The following PRKACA variants were observed in gnomAD, a reference collection of about 807,000 sequenced individuals.
The protein encoded by PRKACA is protein kinase cAMP-activated catalytic subunit alpha.
Under a neutral mutation model 45.8 loss-of-function variants are expected in PRKACA, and 9 were observed. The ratio of observed to expected loss-of-function variants is 0.20; its 90% CI spans 0.12 to 0.34. PRKACA has a LOEUF of 0.34. Among genes scored for constraint, PRKACA ranks in the 10% least tolerant of loss-of-function variants. The pLI is 1.00. For missense variants in PRKACA, 238 were observed against 458.6 expected, an observed-to-expected ratio of 0.52 and a Z score of 4.39; for synonymous variants, 160 against 178.6, an observed-to-expected ratio of 0.90 and a Z score of 0.83.
chr19:14,096,025 AT>A (rs1454955374), intron 8 of PRKACA, among the ~76,000 whole-genome samples: 1 of 135,816 alleles, frequency 7.4e-6, no homozygotes, highest in Non-Finnish European at 1.6e-5. Flanking sequence ...CGCCCAGCTA[AT>A]TTTTAGTTTT....
rs1455322072 is a variant in PRKACA at position 14,097,566 on chromosome 19, G to C, written c.642+13C>G. On this transcript the variant is annotated intron_variant, in intron 7 of 9. Coordinates refer to ENST00000308677, the MANE Select transcript of PRKACA (RefSeq NM_002730.4). This position sits in a 1 kb window ranked among gnomAD's most constrained non-coding sequence, Gnocchi z 5.4. ...CGGCCTCAGGGGAAGGGGAGGGCTG[G>C]GGAGGCTCCTACTTTGCTCAGGATA... The C allele has an allele frequency of 1.2e-6, 2 of 1,613,348 alleles. No homozygotes were observed. Among genetic ancestry groups the C allele is most frequent in the African/African-American group, 1.3e-5 (1 of 74,908 alleles).
intron 5 of PRKACA, chr19:14,098,158 A>C: frequency 2.6e-6 from 1 of 384,836 alleles, no homozygotes; most frequent in Non-Finnish European, 4.8e-6. Flanking sequence ...TCCACTCAAC[A>C]ATGTGGCTGC....
chr19:14,106,653 C>G, intron 3 of PRKACA, 107 bp downstream of exon 3: 2 of 1,475,568 alleles, frequency 1.4e-6, no homozygotes, highest in East Asian at 2.3e-5. Flanking sequence ...GACTCTGAAT[C>G]AAAAAAAAGC....
chr19:14,109,098 C>G (rs1977696548), intron 1 of PRKACA, among the ~76,000 whole-genome samples: 1 of 150,836 alleles, frequency 6.6e-6, no homozygotes, highest in African/African-American at 2.4e-5. Flanking sequence ...TCTGTAATCC[C>G]AGCACTCTGG....
intron 1 of PRKACA, among the ~76,000 whole-genome samples, chr19:14,114,763 C>T (rs1445429316): frequency 6.6e-6 from 1 of 152,166 alleles, no homozygotes; most frequent in Non-Finnish European, 1.5e-5. Flanking sequence ...AATGGCTTTG[C>T]CATCTTTGGG....
chr19:14,107,275 G>T (rs1160205178), intron 2 of PRKACA, 73 bp downstream of exon 2: 3 of 1,461,512 alleles, frequency 2.1e-6, no homozygotes, highest in Non-Finnish European at 9.5e-7. Context: ...TTCTAGCTGT[G>T]TTGCTGGGAC....
At chr19:14,093,478 A>G in intron 9 of PRKACA, 150 bp downstream of exon 9, 2 of 1,150,014 alleles carry the variant, frequency 1.7e-6, no homozygotes, top group Non-Finnish European at 2.5e-6. Context: ...AAATGACCCC[A>G]GAATCCCATT....
rs763345212 is a variant in PRKACA at position 14,093,089 on chromosome 19, C to T, written c.*23G>A. On this transcript the variant is annotated 3_prime_UTR_variant, in exon 10 of 10. Transcript: ENST00000308677. ...AAAAAAGAAAAAAGAAAAAAGAAAA[C>T]CCATGGGGGCACAGGCATGCCCCTA... 2 of 1,047,118 alleles carry T rather than the reference C, an allele frequency of 1.9e-6. No individual in the cohort carries two copies. The highest frequency in any genetic ancestry group is 2.4e-5 in the South Asian group (1 of 41,428). 64.9% of individuals were successfully genotyped at this position (1,047,118 alleles called of 1,614,324 possible). A position where few individuals can be genotyped will look rare whatever the true frequency, so the allele number is the denominator to read the frequency against.
chr19:14,117,669 G>T lies in PRKACA; in HGVS notation c.-122C>A. 1 of 458,192 alleles carries T rather than the reference G, an allele frequency of 2.2e-6. No individual in the cohort carries two copies. The highest frequency in any genetic ancestry group is 2.9e-6 in the Non-Finnish European group (1 of 349,704). 28.4% of individuals were successfully genotyped at this position (458,192 alleles called of 1,614,324 possible). A position where few individuals can be genotyped will look rare whatever the true frequency, so the allele number is the denominator to read the frequency against. The stretch of plus-strand genomic sequence containing the variant: ...GGCCCTCGGGCTGGCTGCGCTAGCT[G>T]CGGCGCCGCGACCCCCGCCCAGCCC... On this transcript the variant is annotated 5_prime_UTR_variant, in exon 1 of 10. Coordinates refer to ENST00000308677, the MANE Select transcript of PRKACA (RefSeq NM_002730.4).
chr19:14,106,091 C>T (rs1016597346), intron 3 of PRKACA, among the ~76,000 whole-genome samples: 2 of 152,056 alleles, frequency 1.3e-5, no homozygotes, highest in African/African-American at 2.4e-5. Context: ...TGGCTCATGC[C>T]TGTAATCCCT....
intron 4 of PRKACA, 31 bp from the exon 5 acceptor site, chr19:14,100,939 A>G: frequency 6.2e-7 from 1 of 1,600,510 alleles, no homozygotes; most frequent in Non-Finnish European, 8.6e-7. Flanking sequence ...TCAAGGGCCC[A>G]CCCCTGAGAC....
rs1977170203 is a variant in PRKACA at position 14,093,926 on chromosome 19, A to G, written c.766-134T>C. ...AGAGTGCCTGCCAGCATCTTGTAAAACAGCTCCTTGAGCCTACCCTACAGT... is the reference window on the plus strand; with the variant it reads ...AGAGTGCCTGCCAGCATCTTGTAAAGCAGCTCCTTGAGCCTACCCTACAGT... On this transcript the variant is annotated intron_variant, in intron 8 of 9. Transcript: ENST00000308677. 3 of 913,916 alleles carry G rather than the reference A, an allele frequency of 3.3e-6. No individual in the cohort carries two copies. In the East Asian group the frequency reaches 8.3e-5, roughly 25 times the overall value. 56.6% of individuals were successfully genotyped at this position (913,916 alleles called of 1,614,324 possible).
At chr19:14,106,054 G>A (rs985718847) in intron 3 of PRKACA, among the ~76,000 whole-genome samples, 1 of 151,966 alleles carries the variant, frequency 6.6e-6, no homozygotes, top group African/African-American at 2.4e-5. Context: ...ATGGGGGCTC[G>A]GGGAATAGTG....
chr19:14,103,112 C>A (rs866608013), intron 3 of PRKACA, among the ~76,000 whole-genome samples, 198 bp from the exon 4 acceptor site: 14 of 152,100 alleles, frequency 9.2e-5, no homozygotes, highest in African/African-American at 2.4e-4. Context: ...TGTCCTTGCA[C>A]GGCACTAAGT....
At position 14,100,893 on chromosome 19, in the gene PRKACA, A is replaced by G. The variant is rs1445705058; in HGVS notation, c.352T>C (p.Tyr118His). ...CCGGGCACGTACTCCATGACCATGT[A>G]TAAGTTTGAGTTGTCCTGTGGGAAG... ...EFSFKDNSNL[Y>H]MVMEYVPGGE... is the part of the protein sequence containing the mutation. Residue 118 changes from tyrosine to histidine, a missense_variant, in exon 5 of 10, where the codon TAC becomes CAC. Physicochemically the swap from Tyr to His is moderately conservative, Grantham distance 83 (BLOSUM62 2). Around this residue, in one of 3 missense-constraint regions of PRKACA, gnomAD observed 93 missense variants for 149.1 expected, o/e 0.62. Coordinates refer to ENST00000308677, the MANE Select transcript of PRKACA (RefSeq NM_002730.4). 1.2e-6 allele frequency: 2 copies of G among 1,613,992 alleles called. No homozygotes were observed. The highest frequency in any genetic ancestry group is 4.5e-5 in the East Asian group (2 of 44,874).
At chr19:14,100,626 C>G (rs970476220) in intron 5 of PRKACA, among the ~76,000 whole-genome samples, 200 bp downstream of exon 5, 8 of 152,096 alleles carry the variant, frequency 5.3e-5, no homozygotes, top group African/African-American at 1.9e-4. Flanking sequence ...CCTAAGTTGC[C>G]CTGTTTGCTC....
chr19:14,108,814 G>A (rs865786746), intron 1 of PRKACA, among the ~76,000 whole-genome samples: 4 of 149,872 alleles, frequency 2.7e-5, no homozygotes, highest in Admixed American at 6.6e-5. Flanking sequence ...TGCAACCTCC[G>A]CCTCCCAGGT....
At chr19:14,105,725 G>A (rs1977583488) in intron 3 of PRKACA, among the ~76,000 whole-genome samples, 1 of 152,180 alleles carries the variant, frequency 6.6e-6, no homozygotes. Flanking sequence ...ACAGGCGTGC[G>A]CCACCGTGCT....
At chr19:14,107,754 G>A (rs1977656280) in intron 1 of PRKACA, 19 of 1,054,710 alleles carry the variant, frequency 1.8e-5, no homozygotes, top group Non-Finnish European at 2.1e-5. Context: ...GGTATTTATA[G>A]CCTTGGGATT....
Sources: gnomAD v4.1 joint callset for allele counts (sites outside exome capture counted in the v4.1 genomes callset) on GRCh38, gnomAD v4.1.1 for gene constraint, gnomAD v4.1.1 regional missense constraint, Gnocchi (gnomAD v3.1) non-coding constraint, MANE v1.5 for transcripts, NCBI Gene and HGNC (gene_info 2026-07-23, HGNC 2026-07-21) for gene names.